The following SDK1 variants were observed in gnomAD, a reference collection of about 807,000 sequenced individuals.
SDK1 encodes sidekick cell adhesion molecule 1.
Under a neutral mutation model 245.5 loss-of-function variants are expected in SDK1, and 157 were observed. The observed-to-expected ratio is 0.64, with a 90% CI of 0.56 to 0.73. SDK1 has a LOEUF of 0.73. SDK1 is among the 30% of genes least tolerant of loss of function. SDK1 has a pLI of 0.00. For synonymous variants in SDK1, 1,647 were observed against 1,278.5 expected (o/e 1.29, Z -6.15); for missense variants, 3,583 against 3,002.3 (o/e 1.19, Z -4.52).
intron 4 of SDK1, among the ~76,000 whole-genome samples, chr7:3,659,908 C>G (rs1412729822): frequency 6.6e-6 from 1 of 152,176 alleles, no homozygotes; most frequent in Non-Finnish European, 1.5e-5. Flanking sequence ...TGGAGTTAAG[C>G]TTCTTGCTTC....
At chr7:3,754,278 G>C (rs1369593391) in intron 4 of SDK1, among the ~76,000 whole-genome samples, 1 of 152,150 alleles carries the variant, frequency 6.6e-6, no homozygotes, top group Non-Finnish European at 1.5e-5. Flanking sequence ...GTTTCTTAAT[G>C]TATTACACCC....
intron 1 of SDK1, among the ~76,000 whole-genome samples, chr7:3,477,999 A>G (rs1781398861): frequency 6.6e-6 from 1 of 152,122 alleles, no homozygotes; most frequent in Non-Finnish European, 1.5e-5. Context: ...ATATGTATTG[A>G]ATTATATCCT....
intron 1 of SDK1, among the ~76,000 whole-genome samples, chr7:3,610,648 G>A (rs1308723178): frequency 6.6e-6 from 1 of 152,174 alleles, no homozygotes; most frequent in Non-Finnish European, 1.5e-5. Context: ...CTTCAATTGT[G>A]GATTAATCTC....
intron 4 of SDK1, among the ~76,000 whole-genome samples, chr7:3,706,056 T>G (rs1024394478): frequency 6.6e-6 from 1 of 152,216 alleles, no homozygotes; most frequent in African/African-American, 2.4e-5. Flanking sequence ...TCTTTTTATG[T>G]GATATATCAC....
chr7:4,251,424 CTT>C (rs1431814400), intron 44 of SDK1, among the ~76,000 whole-genome samples: 1 of 152,224 alleles, frequency 6.6e-6, no homozygotes, highest in African/African-American at 2.4e-5. Context: ...ACAGAACACA[CTT>C]AGTCCTCCAC....
At chr7:3,626,818 C>A (rs1782137232) in intron 2 of SDK1, among the ~76,000 whole-genome samples, 1 of 152,124 alleles carries the variant, frequency 6.6e-6, no homozygotes, top group Non-Finnish European at 1.5e-5. Context: ...TATAGGAAAT[C>A]TCCCCCACTG....
intron 4 of SDK1, among the ~76,000 whole-genome samples, chr7:3,655,148 C>G (rs920445010): frequency 6.7e-6 from 1 of 150,074 alleles, no homozygotes; most frequent in African/African-American, 2.5e-5. Context: ...ATAGTATGTA[C>G]TAAAGGCCAG....
intron 4 of SDK1, among the ~76,000 whole-genome samples, chr7:3,658,724 C>T (rs1259791528): frequency 6.6e-6 from 1 of 151,064 alleles, no homozygotes; most frequent in Non-Finnish European, 1.5e-5. Context: ...AAGAAATCCT[C>T]ATGTCTCAGC....
At chr7:3,466,386 G>A (rs1376610730) in intron 1 of SDK1, among the ~76,000 whole-genome samples, 1 of 150,342 alleles carries the variant, frequency 6.7e-6, no homozygotes, top group Non-Finnish European at 1.5e-5. Context: ...CTGGCTCTCT[G>A]AAGTTGGAGA....
intron 1 of SDK1, among the ~76,000 whole-genome samples, chr7:3,512,848 GT>G (rs1562532175): frequency 6.6e-6 from 1 of 151,738 alleles, no homozygotes; most frequent in Non-Finnish European, 1.5e-5. Context: ...ATCTTTTTCT[GT>G]TTTGTTAAAG....
At chr7:3,552,682 AT>A (rs1286472982) in intron 1 of SDK1, among the ~76,000 whole-genome samples, 1 of 152,192 alleles carries the variant, frequency 6.6e-6, no homozygotes, top group African/African-American at 2.4e-5. Flanking sequence ...TGTGAATCAT[AT>A]TGAGCCATTT....
intron 35 of SDK1, among the ~76,000 whole-genome samples, chr7:4,182,355 T>C (rs553809065): frequency 1.3e-5 from 2 of 152,268 alleles, no homozygotes; most frequent in African/African-American, 2.4e-5. Flanking sequence ...CTAATGCTGC[T>C]CCTCCCCATT....
At chr7:4,155,118 C>T (rs1004808682) in intron 30 of SDK1, among the ~76,000 whole-genome samples, 2 of 151,964 alleles carry the variant, frequency 1.3e-5, no homozygotes, top group South Asian at 4.2e-4. Flanking sequence ...TAGCACTGCC[C>T]TCTGCCTGCC....
intron 1 of SDK1, among the ~76,000 whole-genome samples, chr7:3,437,418 A>G (rs760315510): frequency 6.6e-6 from 1 of 152,114 alleles, no homozygotes; most frequent in Non-Finnish European, 1.5e-5. Flanking sequence ...GCAAACTTTA[A>G]AAAAAGATGT....
At chr7:3,788,952 G>T (rs368303898) in intron 4 of SDK1, among the ~76,000 whole-genome samples, 1 of 152,198 alleles carries the variant, frequency 6.6e-6, no homozygotes, top group African/African-American at 2.4e-5. Flanking sequence ...AACTGTTTAC[G>T]GGGGCTCCCC....
intron 5 of SDK1, among the ~76,000 whole-genome samples, chr7:3,868,012 C>T (rs571735578): frequency 2.2e-4 from 33 of 152,138 alleles, no homozygotes; most frequent in African/African-American, 5.5e-4. Flanking sequence ...AACCCTATTT[C>T]ATAACTCGAG....
intron 14 of SDK1, among the ~76,000 whole-genome samples, chr7:4,010,257 G>A (rs923435312): frequency 4.6e-5 from 7 of 152,238 alleles, no homozygotes; most frequent in Middle Eastern, 3.2e-3. Flanking sequence ...AAATGACTGG[G>A]CTGAAAAGCC....
At chr7:4,196,858 G>T (rs1316866471) in intron 35 of SDK1, among the ~76,000 whole-genome samples, 3 of 152,206 alleles carry the variant, frequency 2.0e-5, no homozygotes, top group African/African-American at 7.2e-5. Flanking sequence ...GATGGATGTT[G>T]ACTCTTGGCT....
intron 43 of SDK1, among the ~76,000 whole-genome samples, chr7:4,243,886 C>T (rs185477016): frequency 6.0e-4 from 92 of 152,312 alleles, no homozygotes; most frequent in Admixed American, 2.1e-3. Flanking sequence ...CTTAGAAATA[C>T]GGGCACAGTT....
Sources: allele counts gnomAD v4.1 joint callset (sites outside exome capture counted in the v4.1 genomes callset), GRCh38; gene constraint gnomAD v4.1.1; transcripts MANE v1.5; gene names NCBI Gene and HGNC (gene_info 2026-07-23, HGNC 2026-07-21).